ATP1A2: variants seen among roughly 807,000 people sequenced by gnomAD.
ATP1A2 encodes the protein sodium/potassium-transporting ATPase subunit alpha-2.
ATP1A2 carries 56 observed loss-of-function variants against 113.1 expected under a neutral mutation model. The ratio of observed to expected loss-of-function variants is 0.49; its 90% CI spans 0.40 to 0.62. The LOEUF is 0.62. Ranked by LOEUF, ATP1A2 falls within the 20% of genes least tolerant of loss-of-function variation. The pLI, the probability that ATP1A2 is intolerant of heterozygous loss-of-function variation, is 0.00. For missense variants in ATP1A2, 712 were observed against 1,357.8 expected, an observed-to-expected ratio of 0.52 and a Z score of 7.47; for synonymous variants, 490 against 526.8, an observed-to-expected ratio of 0.93 and a Z score of 0.96.
intron 13 of ATP1A2, among the ~76,000 whole-genome samples, chr1:160,133,654 A>G (rs1359464908): frequency 1.3e-5 from 2 of 152,086 alleles, no homozygotes; most frequent in Non-Finnish European, 2.9e-5. Flanking sequence ...ACATTGCTGC[A>G]GTGATCAATA....
In ATP1A2 at chr1:160,129,405, G is replaced by C. The variant is rs199906945; in HGVS notation, c.1461+5G>C. On this transcript the variant is annotated splice_donor_5th_base_variant and intron_variant, in intron 11 of 22. Coordinates refer to ENST00000361216, the MANE Select transcript of ATP1A2 (RefSeq NM_000702.4). Reference sequence around the variant, plus strand: ...AACTCTACCAACAAGTACCAGGTCTGCTTGGGTTGCCAGGACAGAGGAAGA... The same window carrying C: ...AACTCTACCAACAAGTACCAGGTCTCCTTGGGTTGCCAGGACAGAGGAAGA... 2 of 1,612,434 alleles carry C rather than the reference G, an allele frequency of 1.2e-6. No individual in the cohort carries two copies. Among genetic ancestry groups the C allele is most frequent in the South Asian group, 2.2e-5 (2 of 91,078 alleles).
intron 5 of ATP1A2, 82 bp downstream of exon 5, chr1:160,124,138 C>T: frequency 6.3e-7 from 1 of 1,579,058 alleles, no homozygotes. Context: ...CTCCCAGGCT[C>T]TAAGATAGAG....
chr1:160,135,023 G>A lies in ATP1A2; in HGVS notation c.1965-122G>A. On this transcript the variant is annotated intron_variant, in intron 14 of 22. Transcript: ENST00000361216. The surrounding 1 kb of genome is among the most constrained non-coding windows in gnomAD (Gnocchi z 6.3). Reference sequence around the variant, plus strand: ...GAGTACTGAGGAGAGGAGAACTGAAGCAACAGGGGAAGCAGGCTCAGCAGG... The same window carrying A: ...GAGTACTGAGGAGAGGAGAACTGAAACAACAGGGGAAGCAGGCTCAGCAGG... 7.7e-7 allele frequency: 1 copy of A among 1,293,020 alleles called. No individual in the cohort carries two copies. The highest frequency in any genetic ancestry group is 1.1e-6 in the Non-Finnish European group (1 of 906,784). 80.1% of individuals were successfully genotyped at this position (1,293,020 alleles called of 1,614,324 possible). A position where few individuals can be genotyped will look rare whatever the true frequency, so the allele number is the denominator to read the frequency against.
chr1:160,121,594 G>A (rs993896729), intron 3 of ATP1A2, among the ~76,000 whole-genome samples: 2 of 152,226 alleles, frequency 1.3e-5, no homozygotes, highest in African/African-American at 4.8e-5. Context: ...TGATGCACAT[G>A]GGCTGACAGC....
chr1:160,121,090 T>C, intron 2 of ATP1A2, 80 bp downstream of exon 2: 3 of 1,603,226 alleles, frequency 1.9e-6, no homozygotes, highest in Non-Finnish European at 2.6e-6. Flanking sequence ...TCAGAGAAAC[T>C]CCGTGTCCCC....
Position 160,135,625 on chromosome 1 carries a change from GAT to G in ATP1A2, c.2284+24_2284+25del. 1 of 1,613,054 alleles carries G rather than the reference GAT, an allele frequency of 6.2e-7. No homozygotes were observed. Among genetic ancestry groups the G allele is most frequent in the Non-Finnish European group, 8.5e-7 (1 of 1,180,014 alleles). On this transcript the variant is annotated intron_variant, in intron 16 of 22. Coordinates refer to ENST00000361216, the MANE Select transcript of ATP1A2 (RefSeq NM_000702.4). The surrounding 1 kb of genome is among the most constrained non-coding windows in gnomAD (Gnocchi z 6.3). ...AGGGTGAGGAGGCTGCATGGGTTGG[GAT>G]GGTTTGCAGGATACTGAAGCCGGCA...
At chr1:160,129,547 A>AT in intron 11 of ATP1A2, 147 bp downstream of exon 11, 2 of 1,225,904 alleles carry the variant, frequency 1.6e-6, no homozygotes, top group Non-Finnish European at 2.3e-6. Flanking sequence ...GACAGCTCAT[A>AT]TGACTGCATG....
rs373066818 is a variant in ATP1A2 at position 160,127,213 on chromosome 1, T to C, written c.749-339T>C. Among the ~76,000 whole-genome samples the C allele has an allele frequency of 5.3e-5, 8 of 152,372 alleles. No individual in the cohort carries two copies. The South Asian group carries it at 1.4e-3, about 28-fold the overall frequency. Reference sequence around the variant, plus strand: ...TGAGTGCTTTACTTTGTGTTCATAATATACTTTTGGATGGTATCAAGTATG... The same window carrying C: ...TGAGTGCTTTACTTTGTGTTCATAACATACTTTTGGATGGTATCAAGTATG... On this transcript the variant is annotated intron_variant, in intron 7 of 22. Coordinates refer to ENST00000361216, the MANE Select transcript of ATP1A2 (RefSeq NM_000702.4).
intron 3 of ATP1A2, among the ~76,000 whole-genome samples, chr1:160,122,091 C>G (rs1320896524): frequency 6.6e-6 from 1 of 152,158 alleles, no homozygotes; most frequent in Non-Finnish European, 1.5e-5. Flanking sequence ...GAGATCATAC[C>G]ACTGTACTCC....
At chr1:160,134,333 C>T in intron 13 of ATP1A2, 151 bp from the exon 14 acceptor site, 1 of 1,099,256 alleles carries the variant, frequency 9.1e-7, no homozygotes. Context: ...ACTCCCCTGC[C>T]CACAGACGCA....
chr1:160,136,245 A>G lies in ATP1A2; in HGVS notation c.2440-2A>G. 1 of 1,614,110 alleles carries G rather than the reference A, an allele frequency of 6.2e-7. No homozygotes were observed. Among genetic ancestry groups the G allele is most frequent in the Non-Finnish European group, 8.5e-7 (1 of 1,180,016 alleles). On this transcript the variant is annotated splice_acceptor_variant, in intron 17 of 22. Transcript: ENST00000361216. LOFTEE classifies it high-confidence loss of function. ...CCCTGCCCCATTTCCTACCCCACAC[A>G]GGTCCCTGCCATCTCCTTGGCCTAT...
intron 22 of ATP1A2, among the ~76,000 whole-genome samples, chr1:160,141,080 T>C (rs957545526): frequency 6.6e-6 from 1 of 151,988 alleles, no homozygotes; most frequent in Non-Finnish European, 1.5e-5. Context: ...GCCAGGAGTC[T>C]TGATCTCCGC....
intron 22 of ATP1A2, among the ~76,000 whole-genome samples, chr1:160,140,321 C>A (rs188516394): frequency 8.7e-6 from 1 of 115,204 alleles, no homozygotes; most frequent in Non-Finnish European, 2.0e-5. Flanking sequence ...AGAGGTGAAT[C>A]TGTTCAGGGT....
chr1:160,138,013 A>G lies in ATP1A2; in HGVS notation c.2840+982A>G, dbSNP rs114328876. ...GAGCAGAGAGTCTAAGAAATTGGGT[A>G]TAATTCTGGGGCCTGGGACTTGCTA... On this transcript the variant is annotated intron_variant, in intron 20 of 22. Transcript: ENST00000361216. Among the ~76,000 whole-genome samples, 991 of 152,310 alleles carry G rather than the reference A, an allele frequency of 6.5e-3. 12 individuals are homozygous for G. The highest frequency in any genetic ancestry group is 0.023 in the African/African-American group (956 of 41,570).
intron 20 of ATP1A2, among the ~76,000 whole-genome samples, chr1:160,139,243 C>T (rs934158371): frequency 2.0e-5 from 3 of 152,114 alleles, no homozygotes; most frequent in Admixed American, 6.5e-5. Flanking sequence ...CGGTAGAAGA[C>T]ATACATGGGC....
At chr1:160,130,716 G>A (rs907452696) in intron 13 of ATP1A2, 119 bp downstream of exon 13, 2 of 1,389,070 alleles carry the variant, frequency 1.4e-6, no homozygotes, top group Non-Finnish European at 2.0e-6. Flanking sequence ...CACTGACTCA[G>A]AGAAGAAGCT....
intron 1 of ATP1A2, among the ~76,000 whole-genome samples, chr1:160,116,596 G>A (rs1311760828): frequency 6.6e-6 from 1 of 152,140 alleles, no homozygotes; most frequent in African/African-American, 2.4e-5. Flanking sequence ...TACACCAAGA[G>A]GAAGATTAAC....
chr1:160,124,208 C>T (rs1329848059), intron 5 of ATP1A2, 88 bp from the exon 6 acceptor site: 9 of 1,554,130 alleles, frequency 5.8e-6, no homozygotes, highest in Middle Eastern at 4.3e-4. Flanking sequence ...TGGGGCTTCT[C>T]CTTCTGCTTG....
chr1:160,128,451 C>T, intron 8 of ATP1A2: 3 of 1,492,608 alleles, frequency 2.0e-6, no homozygotes, highest in Non-Finnish European at 2.7e-6. Context: ...CTTAAACCCC[C>T]TAATGGGCAT....
Sources: allele counts gnomAD v4.1 joint callset (sites outside exome capture counted in the v4.1 genomes callset), GRCh38; gene constraint gnomAD v4.1.1; non-coding constraint Gnocchi (gnomAD v3.1); transcripts MANE v1.5; gene names NCBI Gene and HGNC (gene_info 2026-07-23, HGNC 2026-07-21).